Variants in EXOC6 observed in about 807,000 individuals in gnomAD.
EXOC6 encodes the protein exocyst complex component 6, also known as SEC15-like 1.
A neutral mutation model predicts 112.5 loss-of-function variants in EXOC6; 60 were observed. The observed-to-expected ratio is 0.53, with a 90% CI of 0.43 to 0.66. EXOC6 has a LOEUF of 0.66. EXOC6 is among the 30% of genes least tolerant of loss of function. EXOC6 has a pLI of 0.00. For missense variants in EXOC6, 855 were observed against 957.1 expected (o/e 0.89, Z 1.41); for synonymous variants, 295 against 308.0 (o/e 0.96, Z 0.44).
At chr10:92,878,253 C>T (rs1183140445) in intron 1 of EXOC6, 1 of 152,184 alleles carries the variant, frequency 6.6e-6, no homozygotes, top group African/African-American at 2.4e-5. Context: ...TTTTCCTTAT[C>T]CTCTTCATTG....
chr10:92,846,106 T>C (rs1053653699), upstream of EXOC6, among the ~76,000 whole-genome samples: 1 of 152,222 alleles, frequency 6.6e-6, no homozygotes, highest in Non-Finnish European at 1.5e-5. Context: ...CTTCCTTCCA[T>C]GTTCACTTGA....
chr10:92,851,419 G>A (rs1177623841), intron 1 of EXOC6, among the ~76,000 whole-genome samples: 1 of 152,148 alleles, frequency 6.6e-6, no homozygotes, highest in Non-Finnish European at 1.5e-5. Flanking sequence ...GCCGAGGCAG[G>A]CAGATCACTT....
intron 19 of EXOC6, among the ~76,000 whole-genome samples, chr10:93,011,124 G>A (rs528990361): frequency 2.6e-5 from 4 of 151,630 alleles, no homozygotes; most frequent in Admixed American, 6.6e-5. Flanking sequence ...CTTTATTTAT[G>A]AGTATATGTG....
chr10:93,006,351 G>T (rs1468693329), intron 19 of EXOC6, among the ~76,000 whole-genome samples: 1 of 152,176 alleles, frequency 6.6e-6, no homozygotes, highest in African/African-American at 2.4e-5. Context: ...AAGTAAGCTG[G>T]ATGCTGTTAC....
rs77187087 is a variant in EXOC6 at position 92,949,492 on chromosome 10, GT to G, written c.1416+1127del. 4.7e-3 allele frequency among the ~76,000 whole-genome samples: 647 copies of G among 137,994 alleles called. 3 individuals are homozygous for G. The highest frequency in any genetic ancestry group is 0.013 in the African/African-American group (498 of 37,860). The allele number at this position is 137,994 out of a possible 152,430, so 90.5% of individuals were successfully genotyped here. On this transcript the variant is annotated intron_variant, in intron 14 of 21. Transcript: ENST00000260762. ...AGAATATTCTCTATCTCATGGCTTA[GT>G]TTTTTTTTTTTTTAGTTACTGGTAA...
chr10:93,041,696 G>C (rs973981224), intron 20 of EXOC6, among the ~76,000 whole-genome samples: 1 of 151,960 alleles, frequency 6.6e-6, no homozygotes, highest in Non-Finnish European at 1.5e-5. Flanking sequence ...TTACAGGCGT[G>C]AGCCACCGTG....
chr10:92,954,780 T>A, intron 16 of EXOC6, 39 bp downstream of exon 16: 2 of 867,344 alleles, frequency 2.3e-6, no homozygotes, highest in Non-Finnish European at 3.8e-6. Context: ...TGTTTCATTG[T>A]ATGAAACAAT....
chr10:92,843,820 T>C (rs902025649), upstream of EXOC6, among the ~76,000 whole-genome samples: 3 of 151,948 alleles, frequency 2.0e-5, no homozygotes, highest in Admixed American at 6.6e-5. Context: ...AAACCCTGTC[T>C]CTACTAAAAA....
intron 1 of EXOC6, among the ~76,000 whole-genome samples, chr10:92,882,957 T>G (rs1437051320): frequency 6.6e-6 from 1 of 152,224 alleles, no homozygotes; most frequent in Non-Finnish European, 1.5e-5. Flanking sequence ...CTTCTCCTAC[T>G]TTCCAGGATC....
chr10:92,828,730 AT>A (rs71028852), intron 1 of EXOC6, among the ~76,000 whole-genome samples: 73,837 of 109,866 alleles, frequency 0.67, 23,330 homozygotes, highest in Middle Eastern at 0.75. Flanking sequence ...GTGTGTGTGT[AT>A]TTTTTTTTTT....
chr10:92,982,518 A>T (rs1196667202), intron 18 of EXOC6, among the ~76,000 whole-genome samples: 1 of 144,934 alleles, frequency 6.9e-6, no homozygotes, highest in East Asian at 2.1e-4. Flanking sequence ...TTCCCCAGAG[A>T]ATCATTGTTA....
Position 93,059,426 on chromosome 10 carries a change from G to T in EXOC6, c.*1071G>T, listed in dbSNP as rs1846680643. 3 of 152,230 alleles carry T rather than the reference G, an allele frequency of 2.0e-5. No homozygotes were observed. In the South Asian group the frequency reaches 6.2e-4, roughly 32 times the overall value. The allele number at this position is 152,230 out of a possible 1,614,324, so 9.4% of individuals were successfully genotyped here. On this transcript the variant is annotated 3_prime_UTR_variant, in exon 22 of 22. Coordinates refer to ENST00000260762, the MANE Select transcript of EXOC6 (RefSeq NM_019053.6). The stretch of plus-strand genomic sequence containing the variant: ...CCTGATTCTGTAAAATAAGTGTAAA[G>T]AATTATATGTACATCTCTGGATTTT...
chr10:92,997,352 A>G, intron 18 of EXOC6, 122 bp from the exon 19 acceptor site: 1 of 764,086 alleles, frequency 1.3e-6, no homozygotes, highest in Non-Finnish European at 1.9e-6. Context: ...AAGGAAAGTA[A>G]CCACTATTGT....
chr10:93,037,144 C>CT (rs745466359), intron 20 of EXOC6, among the ~76,000 whole-genome samples: 2,052 of 139,332 alleles, frequency 0.015, 31 homozygotes, highest in African/African-American at 0.038. Context: ...TCTTCTTCTA[C>CT]TTTTTTTTTT....
chr10:92,970,553 C>T (rs954635833), intron 17 of EXOC6, among the ~76,000 whole-genome samples: 1 of 152,170 alleles, frequency 6.6e-6, no homozygotes, highest in Non-Finnish European at 1.5e-5. Context: ...CTTGCTACTA[C>T]CATATTTAAT....
chr10:92,911,203 A>G (rs1414241631), intron 6 of EXOC6, among the ~76,000 whole-genome samples: 1 of 152,162 alleles, frequency 6.6e-6, no homozygotes, highest in African/African-American at 2.4e-5. Context: ...ATGATTTCTA[A>G]TGCGTGATTT....
intron 18 of EXOC6, among the ~76,000 whole-genome samples, chr10:92,994,525 G>C (rs770930144): frequency 5.9e-5 from 9 of 152,152 alleles, no homozygotes; most frequent in Non-Finnish European, 1.3e-4. Flanking sequence ...TGTAGAGAGA[G>C]GGAAAATGTT....
intron 9 of EXOC6, 84 bp downstream of exon 9, chr10:92,928,506 T>C (rs370432297): frequency 3.9e-6 from 3 of 776,884 alleles, no homozygotes; most frequent in East Asian, 2.6e-5. Context: ...CATGTATCAC[T>C]GTTCATTCAA....
chr10:92,896,141 G>A (rs1254218002), intron 4 of EXOC6, among the ~76,000 whole-genome samples: 5 of 33,676 alleles, frequency 1.5e-4, no homozygotes, highest in Non-Finnish European at 1.4e-4. Flanking sequence ...GTGTGTGTAT[G>A]TATGTGTATA....
Sources: allele counts gnomAD v4.1 joint callset (sites outside exome capture counted in the v4.1 genomes callset), GRCh38; gene constraint gnomAD v4.1.1; transcripts MANE v1.5; gene names NCBI Gene and HGNC (gene_info 2026-07-23, HGNC 2026-07-21).